The following MYO5B variants were observed in gnomAD, a reference collection of about 807,000 sequenced individuals.
MYO5B encodes unconventional myosin-Vb.
In MYO5B, 143 loss-of-function variants were observed where a neutral mutation model predicts 229.3. That is an observed-to-expected ratio of 0.62 (90% CI 0.54 to 0.72). The LOEUF is 0.72. Ranked by LOEUF, MYO5B falls within the 30% of genes least tolerant of loss-of-function variation. The pLI is 0.00. For synonymous variants in MYO5B, 918 were observed against 885.2 expected (o/e 1.04, Z -0.66); for missense variants, 2,321 against 2,331.0 (o/e 1.00, Z 0.09).
intron 33 of MYO5B, among the ~76,000 whole-genome samples, chr18:49,846,874 G>A (rs2024134373): frequency 6.6e-6 from 1 of 152,036 alleles, no homozygotes; most frequent in East Asian, 1.9e-4. Flanking sequence ...GCATGTGGGT[G>A]GCTCCCCTCC....
intron 10 of MYO5B, among the ~76,000 whole-genome samples, chr18:49,966,431 C>G (rs920283824): frequency 6.6e-6 from 1 of 152,154 alleles, no homozygotes; most frequent in Non-Finnish European, 1.5e-5. Context: ...GAATTGGGGC[C>G]CTTCCAGCCC....
At chr18:50,158,019 G>C (rs1467031798) in intron 1 of MYO5B, among the ~76,000 whole-genome samples, 1 of 152,186 alleles carries the variant, frequency 6.6e-6, no homozygotes, top group Non-Finnish European at 1.5e-5. Flanking sequence ...ACTAAATACT[G>C]ATTTTTTATG....
Position 49,853,445 on chromosome 18 carries a change from C to T in MYO5B, c.4221+4G>A, listed in dbSNP as rs1399278733. 1 of 1,614,090 alleles carries T rather than the reference C, an allele frequency of 6.2e-7. No individual in the cohort carries two copies. The highest frequency in any genetic ancestry group is 1.7e-5 in the Admixed American group (1 of 60,024). ...GCTGGGGTCCACTAGACATGGCTACCCACCAGATTCTCGTTGGTCAGCCGG... is the reference window on the plus strand; with the variant it reads ...GCTGGGGTCCACTAGACATGGCTACTCACCAGATTCTCGTTGGTCAGCCGG... On this transcript the variant is annotated splice_donor_region_variant and intron_variant, in intron 31 of 39. Coordinates refer to ENST00000285039, the MANE Select transcript of MYO5B (RefSeq NM_001080467.3).
At chr18:49,943,068 G>A (rs1229337039) in intron 14 of MYO5B, among the ~76,000 whole-genome samples, 1 of 152,002 alleles carries the variant, frequency 6.6e-6, no homozygotes, top group African/African-American at 2.4e-5. Flanking sequence ...CCTTTGTAGG[G>A]ACATGGATAA....
intron 36 of MYO5B, 102 bp from the exon 37 acceptor site, chr18:49,837,904 A>G: frequency 1.4e-6 from 2 of 1,438,812 alleles, no homozygotes. Flanking sequence ...CAATGATACC[A>G]TCCAGAGGTG....
chr18:50,006,535 G>A (rs1386435919), intron 4 of MYO5B, among the ~76,000 whole-genome samples: 1 of 152,158 alleles, frequency 6.6e-6, no homozygotes, highest in African/African-American at 2.4e-5. Flanking sequence ...CAGCTTCCAG[G>A]CAAAAGACCT....
intron 1 of MYO5B, among the ~76,000 whole-genome samples, chr18:50,154,149 G>C (rs2032643392): frequency 6.6e-6 from 1 of 151,212 alleles, no homozygotes; most frequent in African/African-American, 2.4e-5. Context: ...TAGGTGGTAT[G>C]TGCCCAGAGA....
chr18:49,945,583 C>G (rs2025363091), intron 14 of MYO5B, among the ~76,000 whole-genome samples: 1 of 152,182 alleles, frequency 6.6e-6, no homozygotes, highest in South Asian at 2.1e-4. Flanking sequence ...CAAACACATT[C>G]CAACCAACAG....
intron 2 of MYO5B, among the ~76,000 whole-genome samples, chr18:50,051,351 G>A (rs1180815702): frequency 6.6e-6 from 1 of 152,180 alleles, no homozygotes; most frequent in Non-Finnish European, 1.5e-5. Flanking sequence ...TGCTAAGTCA[G>A]GGCCTTGCCC....
chr18:49,839,386 G>A, intron 35 of MYO5B, 92 bp from the exon 36 acceptor site: 4 of 1,473,256 alleles, frequency 2.7e-6, no homozygotes, highest in Non-Finnish European at 3.8e-6. Context: ...CATCTATTTG[G>A]TGGGCAGGGG....
chr18:49,991,084 G>A (rs1014533855), intron 6 of MYO5B, among the ~76,000 whole-genome samples: 1 of 152,156 alleles, frequency 6.6e-6, no homozygotes, highest in Non-Finnish European at 1.5e-5. Flanking sequence ...CTAAGGAAGA[G>A]GGAAGCTCCA....
chr18:49,957,165 A>G (rs2025502788), intron 12 of MYO5B, among the ~76,000 whole-genome samples: 1 of 150,336 alleles, frequency 6.7e-6, no homozygotes, highest in African/African-American at 2.4e-5. Context: ...AAAAAAAAAA[A>G]GCAGGCATGG....
intron 2 of MYO5B, among the ~76,000 whole-genome samples, chr18:50,053,988 A>G (rs1418832559): frequency 6.6e-6 from 1 of 151,772 alleles, no homozygotes; most frequent in African/African-American, 2.4e-5. Context: ...TTCCAAACCT[A>G]TTTTTCTCCC....
intron 1 of MYO5B, among the ~76,000 whole-genome samples, chr18:50,181,098 C>A (rs1269538339): frequency 1.3e-5 from 2 of 152,196 alleles, no homozygotes; most frequent in African/African-American, 4.8e-5. Context: ...AAATTAGGTG[C>A]AATGGGCTTT....
At chr18:49,915,765 C>T (rs559166510) in intron 17 of MYO5B, among the ~76,000 whole-genome samples, 1 of 152,234 alleles carries the variant, frequency 6.6e-6, no homozygotes, top group Non-Finnish European at 1.5e-5. Flanking sequence ...CAACTTAATG[C>T]CGGAACCCTG....
At chr18:49,839,583 C>A (rs1198616225) in intron 35 of MYO5B, among the ~76,000 whole-genome samples, 2 of 152,194 alleles carry the variant, frequency 1.3e-5, no homozygotes, top group Admixed American at 6.5e-5. Context: ...TAGGTTGGTA[C>A]CAGGTCCAGA....
At chr18:49,888,258 C>T (rs770985329) in intron 22 of MYO5B, among the ~76,000 whole-genome samples, 1 of 152,198 alleles carries the variant, frequency 6.6e-6, no homozygotes, top group Non-Finnish European at 1.5e-5. Context: ...TAATACAACA[C>T]ACCCTCCTCT....
intron 15 of MYO5B, 102 bp from the exon 16 acceptor site, chr18:49,936,451 A>G: frequency 1.2e-6 from 1 of 858,838 alleles, no homozygotes; most frequent in South Asian, 1.4e-5. Flanking sequence ...TTACTATTAT[A>G]TTATTAATCC....
At chr18:50,134,178 A>G (rs1312306753) in intron 1 of MYO5B, among the ~76,000 whole-genome samples, 2 of 152,196 alleles carry the variant, frequency 1.3e-5, no homozygotes, top group South Asian at 2.1e-4. Context: ...ACACAGATAC[A>G]TTATCAAATA....
Sources: allele counts gnomAD v4.1 joint callset (sites outside exome capture counted in the v4.1 genomes callset), GRCh38; gene constraint gnomAD v4.1.1; transcripts MANE v1.5; gene names NCBI Gene and HGNC (gene_info 2026-07-23, HGNC 2026-07-21).